Variants in SLC2A14 observed in about 807,000 individuals in gnomAD.
SLC2A14 encodes solute carrier family 2, facilitated glucose transporter member 14.
Under a neutral mutation model 43.0 loss-of-function variants are expected in SLC2A14, and 13 were observed. The observed-to-expected ratio is 0.30, with a 90% CI of 0.20 to 0.48. The LOEUF (loss-of-function observed/expected upper bound fraction) is 0.48. Among genes scored for constraint, SLC2A14 ranks in the 20% least tolerant of loss-of-function variants. The pLI, the probability that SLC2A14 is intolerant of heterozygous loss-of-function variation, is 0.99. For synonymous variants in SLC2A14, 190 were observed against 233.8 expected, an observed-to-expected ratio of 0.81 and a Z score of 1.71; for missense variants, 428 against 620.4, an observed-to-expected ratio of 0.69 and a Z score of 3.29.
chr12:7,889,985 C>G (rs911971006), intron 1 of SLC2A14, among the ~76,000 whole-genome samples: 5 of 152,126 alleles, frequency 3.3e-5, no homozygotes, highest in Admixed American at 1.3e-4. Context: ...GCAGTGAGGA[C>G]TACCAGAGGT....
chr12:7,879,332 A>AC lies in SLC2A14; in HGVS notation c.132+11663_132+11664insG, dbSNP rs1279012123. Among the ~76,000 whole-genome samples, 51 of 148,890 alleles carry AC rather than the reference A, an allele frequency of 3.4e-4. No homozygotes were observed. The East Asian group carries it at 8.2e-3, about 24-fold the overall frequency. On this transcript the variant is annotated intron_variant, in intron 1 of 9. Transcript: ENST00000539924. ...CTGCAAAAAAAAACAAACAACAACAAAAAAAAACAAAAGTTGCACCCCAGC... is the reference window on the plus strand; with the variant it reads ...CTGCAAAAAAAAACAAACAACAACAACAAAAAAACAAAAGTTGCACCCCAGC...
intron 1 of SLC2A14, among the ~76,000 whole-genome samples, chr12:7,885,742 T>A (rs568270164): frequency 1.6e-3 from 244 of 152,156 alleles, no homozygotes; most frequent in Admixed American, 4.7e-3. Context: ...CCTACGAGAT[T>A]CTTATTCAGT....
intron 1 of SLC2A14, among the ~76,000 whole-genome samples, chr12:7,884,600 A>G (rs745890648): frequency 8.5e-5 from 13 of 152,216 alleles, no homozygotes; most frequent in African/African-American, 3.1e-4. Flanking sequence ...GCTAAGGTCG[A>G]GATAATAGCA....
At chr12:7,890,778 A>C (rs755320492) in intron 1 of SLC2A14, 210 of 345,460 alleles carry the variant, frequency 6.1e-4, no homozygotes, top group Middle Eastern at 1.6e-3. Context: ...GCTTTTATGC[A>C]AAGTCCCCCT....
At chr12:7,831,379 A>T (rs1865010369) in intron 4 of SLC2A14, 1 of 570,464 alleles carries the variant, frequency 1.8e-6, no homozygotes, top group Admixed American at 3.1e-5. Flanking sequence ...GCAAAGGCCA[A>T]TCACTCACAC....
rs1457104350 is a variant in SLC2A14, at chr12:7,813,555, A to T, written c.*761T>A. The T allele has an allele frequency of 1.3e-5, 2 of 152,206 alleles. No homozygotes were observed. The highest frequency in any genetic ancestry group is 1.5e-5 in the Non-Finnish European group (1 of 68,062). The allele number at this position is 152,206 out of a possible 1,614,324, so 9.4% of individuals were successfully genotyped here. ...TCCAAAGGAAATGAGTAGCTTTATT[A>T]AATAGGCATACAACTTTTCTGAGAA... On this transcript the variant is annotated 3_prime_UTR_variant, in exon 11 of 11. Coordinates refer to ENST00000431042, the MANE Select transcript of SLC2A14 (RefSeq NM_001286234.2).
At chr12:7,863,820 TTTC>T (rs1333343091) in intron 2 of SLC2A14, among the ~76,000 whole-genome samples, 1 of 10,258 alleles carries the variant, frequency 9.7e-5, no homozygotes, top group African/African-American at 2.0e-4. Context: ...TTTTTCTTTT[TTTC>T]TTTTTTTTTT....
In SLC2A14 at chr12:7,827,578, G is replaced by C; in HGVS notation, c.781C>G (p.Leu261Val). The C allele has an allele frequency of 6.2e-7, 1 of 1,613,094 alleles. No individual in the cohort carries two copies. The highest frequency in any genetic ancestry group is 1.7e-4 in the Middle Eastern group (1 of 6,054). The change falls in exon 7 of 11, where the codon CTC (leucine) becomes GTC (valine). Residue 261 changes from leucine to valine, a missense_variant. Leu to Val is a conservative substitution (Grantham distance 32, BLOSUM62 1). Coordinates refer to ENST00000431042, the MANE Select transcript of SLC2A14 (RefSeq NM_001286234.2). ...SQEKQVTVLE[L>V]FRVSSYRQPI... Reference sequence around the variant, plus strand: ...TGTCGGTAGCTGGACACTCTAAAGAGCTCCAGCACGGTGACTTGCTTTTCT... The same window carrying C: ...TGTCGGTAGCTGGACACTCTAAAGACCTCCAGCACGGTGACTTGCTTTTCT...
intron 1 of SLC2A14, chr12:7,871,077 G>T: frequency 7.2e-7 from 1 of 1,388,920 alleles, no homozygotes; most frequent in South Asian, 1.2e-5. Flanking sequence ...AGGGCATGAT[G>T]AGCGAGGCCC....
rs1281338787 is a variant in SLC2A14 at position 7,833,262 on chromosome 12, G to A, written c.19-448C>T. Reference sequence around the variant, plus strand: ...CAGACTCCACGGAAGCCCAGTGGTGGTGGTAGGGGGAGGTGGTAGTAGTTT... The same window carrying A: ...CAGACTCCACGGAAGCCCAGTGGTGATGGTAGGGGGAGGTGGTAGTAGTTT... On this transcript the variant is annotated intron_variant, in intron 2 of 10. Coordinates refer to ENST00000431042, the MANE Select transcript of SLC2A14 (RefSeq NM_001286234.2). 2.6e-5 allele frequency among the ~76,000 whole-genome samples: 4 copies of A among 152,288 alleles called. No individual in the cohort carries two copies. In the South Asian group the frequency reaches 6.2e-4, roughly 24 times the overall value.
intron 7 of SLC2A14, among the ~76,000 whole-genome samples, chr12:7,823,731 A>C (rs1333897768): frequency 3.4e-5 from 5 of 148,372 alleles, no homozygotes; most frequent in African/African-American, 1.2e-4. Flanking sequence ...AAAAAAAAAG[A>C]AAAGAAATAT....
At chr12:7,871,184 T>G (rs1945212054) in intron 1 of SLC2A14, 3 of 1,260,574 alleles carry the variant, frequency 2.4e-6, no homozygotes, top group Non-Finnish European at 2.0e-6. Context: ...TTCACCTGCT[T>G]CAACGAGGAA....
At chr12:7,882,644 C>T (rs1945607060) in intron 1 of SLC2A14, among the ~76,000 whole-genome samples, 1 of 152,148 alleles carries the variant, frequency 6.6e-6, no homozygotes, top group African/African-American at 2.4e-5. Context: ...AAAGACCAGC[C>T]TGGTCAACAT....
At chr12:7,827,776 G>A in intron 6 of SLC2A14, 94 bp from the exon 7 acceptor site, 1 of 1,518,142 alleles carries the variant, frequency 6.6e-7, no homozygotes, top group Non-Finnish European at 8.8e-7. Context: ...CGCACGAGGT[G>A]AGGTGATGGG....
intron 2 of SLC2A14, among the ~76,000 whole-genome samples, chr12:7,835,014 T>A (rs745517375): frequency 2.0e-5 from 3 of 151,812 alleles, no homozygotes; most frequent in Admixed American, 6.6e-5. Context: ...GGATTAAGTA[T>A]GTCAGGATGG....
chr12:7,891,011 C>T (rs1210148438), exon 1 of SLC2A14: 1 of 1,534,940 alleles, frequency 6.5e-7, no homozygotes, highest in South Asian at 1.2e-5. Flanking sequence ...CCCCGACGCC[C>T]CCATTCTGAC....
At chr12:7,866,201 G>A (rs1206471115) in intron 2 of SLC2A14, among the ~76,000 whole-genome samples, 1 of 146,694 alleles carries the variant, frequency 6.8e-6, no homozygotes, top group South Asian at 2.2e-4. Context: ...CTCCAGCCTG[G>A]GTGACAGACC....
chr12:7,877,889 C>T (rs778151109), upstream of SLC2A14, among the ~76,000 whole-genome samples: 1 of 152,032 alleles, frequency 6.6e-6, no homozygotes, highest in Non-Finnish European at 1.5e-5. Flanking sequence ...ATTACAGGCA[C>T]ATGCCATCAT....
chr12:7,817,093 A>C (rs1191426117), intron 10 of SLC2A14, among the ~76,000 whole-genome samples: 1 of 151,946 alleles, frequency 6.6e-6, no homozygotes, highest in Non-Finnish European at 1.5e-5. Context: ...GCAGATGAGG[A>C]GGGACTACTG....
Sources: gnomAD v4.1 joint callset for allele counts (sites outside exome capture counted in the v4.1 genomes callset) on GRCh38, gnomAD v4.1.1 for gene constraint, MANE v1.5 for transcripts, NCBI Gene and HGNC (gene_info 2026-07-23, HGNC 2026-07-21) for gene names.